The following MRNIP variants were observed in gnomAD, a reference collection of about 807,000 sequenced individuals.
The protein encoded by MRNIP is MRN complex interacting protein, also known as MRN complex-interacting protein.
MRNIP carries 30 observed loss-of-function variants against 29.8 expected under a neutral mutation model. That is an observed-to-expected ratio of 1.01 (90% CI 0.75 to 1.36). MRNIP has a LOEUF of 1.36. Among genes scored for constraint, MRNIP ranks in the 40% most tolerant of loss-of-function variants. MRNIP has a pLI of 0.00. For synonymous variants in MRNIP, 201 were observed against 164.1 expected, an observed-to-expected ratio of 1.23 and a Z score of -1.72; for missense variants, 459 against 423.5, an observed-to-expected ratio of 1.08 and a Z score of -0.74.
chr5:179,841,027 T>G, intron 5 of MRNIP, 68 bp from the exon 6 acceptor site: 117 of 1,168,890 alleles, frequency 1.0e-4, no homozygotes, highest in Non-Finnish European at 1.3e-4. Flanking sequence ...GACTCCACGA[T>G]CACATGGCCC....
intron 1 of MRNIP, among the ~76,000 whole-genome samples, chr5:179,856,942 T>G (rs1480644732): frequency 6.6e-6 from 1 of 151,946 alleles, no homozygotes; most frequent in Non-Finnish European, 1.5e-5. Flanking sequence ...ATATAAAAAT[T>G]AGCTGGGGAT....
chr5:179,837,391 T>A lies in MRNIP; in HGVS notation c.1032A>T (p.Ter344CysextTer20). Residue 344 changes from the stop codon to cysteine (C), a stop_lost, in exon 7 of 7, where the codon TGA (stop) becomes TGT (cysteine). Coordinates refer to ENST00000292586, the MANE Select transcript of MRNIP (RefSeq NM_016175.4). ...ITGEDFDDDV[*>C] ...CGATTAATAACCTGCCAGTCCCAGA[T>A]CACACATCATCATCGAAGTCTTCCC... is the stretch of plus-strand genomic sequence containing the variant. 1 of 1,588,138 alleles carries A rather than the reference T, an allele frequency of 6.3e-7. No homozygotes were observed. The highest frequency in any genetic ancestry group is 8.6e-7 in the Non-Finnish European group (1 of 1,165,416).
At position 179,837,496 on chromosome 5, in the gene MRNIP, A is replaced by G. The variant is rs777813552; in HGVS notation, c.927T>C (p.Thr309=). The G allele has an allele frequency of 9.3e-6, 15 of 1,614,050 alleles. 1 individual carries two copies. In the African/African-American group the frequency reaches 1.7e-4, roughly 19 times the overall value. Reference sequence around the variant, plus strand: ...CCAGGGGCCCACCCTCTGCCCAGGGAGTCCTTGCGTCCCATGAGGTCTTCC... The same window carrying G: ...CCAGGGGCCCACCCTCTGCCCAGGGGGTCCTTGCGTCCCATGAGGTCTTCC... ...PCGKTSWDAR[T]PWAEGGPLVL... is the part of the protein sequence containing the mutation. The change falls in exon 7 of 7, where the codon ACT becomes ACC. Residue 309 remains threonine (T), a synonymous_variant. Transcript: ENST00000292586.
At chr5:179,851,129 C>A in intron 2 of MRNIP, 1 of 438,478 alleles carries the variant, frequency 2.3e-6, no homozygotes, top group Non-Finnish European at 4.6e-6. Context: ...CCATACACCA[C>A]ATACCACACA....
intron 2 of MRNIP, among the ~76,000 whole-genome samples, chr5:179,852,069 T>TC (rs1224170396): frequency 6.6e-6 from 1 of 151,970 alleles, no homozygotes; most frequent in Admixed American, 6.6e-5. Context: ...TCATTTGAGG[T>TC]CAGGAGTTCA....
intron 6 of MRNIP, chr5:179,840,240 T>G (rs1337912561): frequency 6.6e-6 from 1 of 152,360 alleles, no homozygotes; most frequent in Non-Finnish European, 1.5e-5. Context: ...GCGCCTGGCC[T>G]CTACAAAATA....
At chr5:179,842,259 C>T (rs1039252249) in intron 4 of MRNIP, among the ~76,000 whole-genome samples, 195 bp from the exon 5 acceptor site, 16 of 152,058 alleles carry the variant, frequency 1.1e-4, no homozygotes, top group Admixed American at 1.3e-4. Flanking sequence ...GCACAGGCCT[C>T]GGGAAGGCGG....
In MRNIP at chr5:179,837,500, C is replaced by T. The variant is rs1182928329; in HGVS notation, c.923G>A (p.Arg308Lys). ...GGGCCCACCCTCTGCCCAGGGAGTC[C>T]TTGCGTCCCATGAGGTCTTCCCGCA... ...RPCGKTSWDA[R>K]TPWAEGGPLV... is the part of the protein sequence containing the mutation. Residue 308 changes from arginine (R) to lysine (K), a missense_variant, in exon 7 of 7, where the codon AGG becomes AAG. Coordinates refer to ENST00000292586, the MANE Select transcript of MRNIP (RefSeq NM_016175.4). 1 of 1,614,178 alleles carries T rather than the reference C, an allele frequency of 6.2e-7. No homozygotes were observed. Among genetic ancestry groups the T allele is most frequent in the Admixed American group, 1.7e-5 (1 of 60,028 alleles).
At chr5:179,841,223 C>T in intron 5 of MRNIP, 1 of 479,324 alleles carries the variant, frequency 2.1e-6, no homozygotes, top group South Asian at 2.5e-5. Flanking sequence ...CCGCCTTGAC[C>T]TCCTGGGCTC....
In MRNIP at chr5:179,858,741, T is replaced by C; in HGVS notation, c.56A>G (p.Gln19Arg). 6.6e-7 allele frequency: 1 copy of C among 1,526,190 alleles called. No homozygotes were observed. Among genetic ancestry groups the C allele is most frequent in the Non-Finnish European group, 8.8e-7 (1 of 1,136,292 alleles). 94.5% of individuals were successfully genotyped at this position (1,526,190 alleles called of 1,614,324 possible). Residue 19 changes from glutamine to arginine, a missense_variant, in exon 1 of 7, where the codon CAG becomes CGG. By Grantham distance (43) the Gln-to-Arg change is conservative. Coordinates refer to ENST00000292586, the MANE Select transcript of MRNIP (RefSeq NM_016175.4). ...VLRCCSCRLF[Q>R]AHQVKKSVKW... ...TGGCACCCGCCAGACCTGGTGCGCC[T>C]GGAAGAGGCGGCAGCTGCAGCAGCG...
chr5:179,856,993 G>C (rs925681760), intron 1 of MRNIP, among the ~76,000 whole-genome samples: 3 of 152,194 alleles, frequency 2.0e-5, no homozygotes. Context: ...GGGAGGCTGA[G>C]GTGGATCAGC....
intron 1 of MRNIP, among the ~76,000 whole-genome samples, chr5:179,857,715 A>G (rs1274022791): frequency 6.6e-6 from 1 of 152,120 alleles, no homozygotes; most frequent in Non-Finnish European, 1.5e-5. Flanking sequence ...CATACCTCTT[A>G]AACAAGTCTG....
At chr5:179,857,712 C>G (rs577352) in intron 1 of MRNIP, among the ~76,000 whole-genome samples, 10,001 of 152,126 alleles carry the variant, frequency 0.066, 362 homozygotes, top group Middle Eastern at 0.13. Context: ...TAACATACCT[C>G]TTAAACAAGT....
chr5:179,840,992 T>C (rs1758860733), intron 5 of MRNIP, 33 bp from the exon 6 acceptor site: 4 of 1,463,944 alleles, frequency 2.7e-6, no homozygotes, highest in African/African-American at 1.4e-5. Context: ...AGTCCCGTGC[T>C]ACTCTCCAGT....
rs1561612380 is a variant in MRNIP, at chr5:179,837,763, C to T, written c.660G>A (p.Gln220=). ...ATTTAGAGGATGTGGCTGTAACCTGCTGGATGGGACTCCATAGCTCCTTCC... is the reference window on the plus strand; with the variant it reads ...ATTTAGAGGATGTGGCTGTAACCTGTTGGATGGGACTCCATAGCTCCTTCC... ...GPGKELWSPI[Q]QVTATSSKWA... The change falls in exon 7 of 7, where the codon CAG becomes CAA. Residue 220 remains glutamine (Q), a synonymous_variant. Transcript: ENST00000292586. 2 of 1,614,246 alleles carry T rather than the reference C, an allele frequency of 1.2e-6. No homozygotes were observed. The highest frequency in any genetic ancestry group is 4.5e-5 in the East Asian group (2 of 44,888).
At chr5:179,857,003 C>T (rs1172525029) in intron 1 of MRNIP, among the ~76,000 whole-genome samples, 1 of 152,132 alleles carries the variant, frequency 6.6e-6, no homozygotes, top group Non-Finnish European at 1.5e-5. Flanking sequence ...GGTGGATCAG[C>T]TGAGCCCGGG....
At chr5:179,842,381 A>G (rs373221018) in intron 4 of MRNIP, among the ~76,000 whole-genome samples, 8 of 152,132 alleles carry the variant, frequency 5.3e-5, no homozygotes, top group African/African-American at 7.2e-5. Context: ...AGCAAATTTC[A>G]TTTATAAGAA....
rs575675053 is a variant in MRNIP, at chr5:179,843,041, A to AGAAGGAAG, written c.292-985_292-978dup. Among the ~76,000 whole-genome samples the AGAAGGAAG allele has an allele frequency of 3.5e-3, 367 of 106,254 alleles. 1 individual carries two copies. Among genetic ancestry groups the AGAAGGAAG allele is most frequent in the South Asian group, 0.013 (36 of 2,788 alleles). The allele number at this position is 106,254 out of a possible 152,430, so 69.7% of individuals were successfully genotyped here. On this transcript the variant is annotated intron_variant, in intron 4 of 6. Transcript: ENST00000292586. ...AGCGAGACTCTGTCGAAAGGAGGAAAGAAGGAAGGAAGGAAGGAAGGGAGG... is the reference window on the plus strand; with the variant it reads ...AGCGAGACTCTGTCGAAAGGAGGAAAGAAGGAAGGAAGGAAGGAAGGAAGGAAGGGAGG...
Position 179,847,972 on chromosome 5 carries a change from C to T in MRNIP, c.215+6G>A. ...AGACAACCACGCTCTTCTCAAACAACTGTACCTGAGTGGCAGCTCTGAAAC... is the reference window on the plus strand; with the variant it reads ...AGACAACCACGCTCTTCTCAAACAATTGTACCTGAGTGGCAGCTCTGAAAC... On this transcript the variant is annotated splice_donor_region_variant and intron_variant, in intron 3 of 6. Coordinates refer to ENST00000292586, the MANE Select transcript of MRNIP (RefSeq NM_016175.4). 1 of 1,597,604 alleles carries T rather than the reference C, an allele frequency of 6.3e-7. No individual in the cohort carries two copies. Among genetic ancestry groups the T allele is most frequent in the Admixed American group, 1.7e-5 (1 of 59,402 alleles).
Sources: allele counts gnomAD v4.1 joint callset (sites outside exome capture counted in the v4.1 genomes callset), GRCh38; gene constraint gnomAD v4.1.1; transcripts MANE v1.5; gene names NCBI Gene and HGNC (gene_info 2026-07-23, HGNC 2026-07-21).